The following ELAPOR1 variants were observed in gnomAD, a reference collection of about 807,000 sequenced individuals.
ELAPOR1 encodes the protein endosome/lysosome-associated apoptosis and autophagy regulator 1.
Under a neutral mutation model 119.7 loss-of-function variants are expected in ELAPOR1, and 77 were observed. The observed-to-expected ratio is 0.64, with a 90% CI of 0.54 to 0.78. The LOEUF is 0.78. ELAPOR1 is among the 30% of genes least tolerant of loss of function. The probability of loss-of-function intolerance (pLI) is 0.00; values close to 1 mark genes in which losing one functional copy is unlikely to be tolerated. For missense variants in ELAPOR1, 1,115 were observed against 1,270.4 expected, an observed-to-expected ratio of 0.88 and a Z score of 1.86; for synonymous variants, 481 against 487.2, an observed-to-expected ratio of 0.99 and a Z score of 0.17.
intron 1 of ELAPOR1, among the ~76,000 whole-genome samples, chr1:109,151,580 C>A (rs1418786843): frequency 2.0e-5 from 3 of 152,214 alleles, no homozygotes; most frequent in Admixed American, 6.5e-5. Flanking sequence ...ATCTGGGGAA[C>A]TCATGTTCCA....
At chr1:109,169,312 T>C (rs1428526346) in intron 3 of ELAPOR1, among the ~76,000 whole-genome samples, 1 of 152,198 alleles carries the variant, frequency 6.6e-6, no homozygotes, top group East Asian at 1.9e-4. Context: ...CAATCTCGGC[T>C]CACTGCAACC....
intron 7 of ELAPOR1, among the ~76,000 whole-genome samples, chr1:109,180,307 G>C (rs529393372): frequency 1.3e-5 from 2 of 152,124 alleles, no homozygotes; most frequent in African/African-American, 4.8e-5. Context: ...GTGCCACCTT[G>C]GGCAAATTAC....
At chr1:109,167,555 C>T (rs1006883490) in intron 3 of ELAPOR1, among the ~76,000 whole-genome samples, 7 of 152,222 alleles carry the variant, frequency 4.6e-5, no homozygotes, top group Admixed American at 4.6e-4. Flanking sequence ...TCATCTCCTG[C>T]TTCCATTCCC....
chr1:109,194,407 C>T lies in ELAPOR1; in HGVS notation c.1948-14C>T, dbSNP rs1327009666. The T allele has an allele frequency of 6.8e-6, 11 of 1,611,726 alleles. No individual in the cohort carries two copies. Among genetic ancestry groups the T allele is most frequent in the Non-Finnish European group, 8.5e-6 (10 of 1,178,470 alleles). On this transcript the variant is annotated splice_polypyrimidine_tract_variant and intron_variant, in intron 14 of 21. Transcript: ENST00000369939. ...TCCTGACCAGCTGGCCCGACCCGTC[C>T]CTCTCCCCCTCAGATCCACTCTCTG...
At chr1:109,165,849 T>C (rs994607451) in intron 3 of ELAPOR1, among the ~76,000 whole-genome samples, 1 of 150,824 alleles carries the variant, frequency 6.6e-6, no homozygotes, top group African/African-American at 2.4e-5. Context: ...GGTTCAAGTG[T>C]TTCTCCTCCC....
At chr1:109,168,067 T>C (rs1035449332) in intron 3 of ELAPOR1, among the ~76,000 whole-genome samples, 2 of 152,114 alleles carry the variant, frequency 1.3e-5, no homozygotes, top group Non-Finnish European at 2.9e-5. Flanking sequence ...CTCTCCCAAG[T>C]TCCTTCTGTC....
At chr1:109,172,466 T>C in intron 4 of ELAPOR1, 22 bp from the exon 5 acceptor site, 1 of 1,588,208 alleles carries the variant, frequency 6.3e-7, no homozygotes, top group Non-Finnish European at 8.6e-7. Context: ...GAGACTCTGG[T>C]CCCAAACTCT....
At chr1:109,177,625 C>T (rs1003772326) in intron 7 of ELAPOR1, among the ~76,000 whole-genome samples, 5 of 151,798 alleles carry the variant, frequency 3.3e-5, no homozygotes, top group South Asian at 2.1e-4. Flanking sequence ...GCCGAGATCA[C>T]GCCACTATGA....
chr1:109,123,785 G>T (rs915502709), intron 1 of ELAPOR1, among the ~76,000 whole-genome samples: 1 of 152,104 alleles, frequency 6.6e-6, no homozygotes, highest in African/African-American at 2.4e-5. Context: ...CTAGACCTCT[G>T]TATGTATGGA....
At chr1:109,172,610 G>T in intron 5 of ELAPOR1, 42 bp downstream of exon 5, 1 of 1,486,318 alleles carries the variant, frequency 6.7e-7, no homozygotes, top group Non-Finnish European at 9.4e-7. Context: ...CCCAGAAAAG[G>T]GACCCAGGGC....
chr1:109,204,629 C>T lies in ELAPOR1; in HGVS notation c.*1617C>T, dbSNP rs1654383781. On this transcript the variant is annotated 3_prime_UTR_variant, in exon 22 of 22. Transcript: ENST00000369939. ...CACAATGGCATGGGCCTGAGGTGGC[C>T]GTGATGTCTGCTTCTAAGCTTAACG... is the stretch of plus-strand genomic sequence containing the variant. 2 of 152,278 alleles carry T rather than the reference C, an allele frequency of 1.3e-5. No homozygotes were observed. 9.4% of individuals were successfully genotyped at this position (152,278 alleles called of 1,614,324 possible).
chr1:109,191,235 AT>A (rs1356388418), intron 11 of ELAPOR1, 130 bp from the exon 12 acceptor site: 1 of 614,650 alleles, frequency 1.6e-6, no homozygotes, highest in Admixed American at 2.9e-5. Flanking sequence ...GCAGAATTGG[AT>A]TTAGTCCACA....
intron 15 of ELAPOR1, among the ~76,000 whole-genome samples, chr1:109,196,380 C>G (rs983237529): frequency 6.6e-6 from 1 of 152,118 alleles, no homozygotes; most frequent in Non-Finnish European, 1.5e-5. Context: ...TAAAATGAAG[C>G]CTCAGAAGTA....
At chr1:109,137,134 G>A (rs1197943954) in intron 1 of ELAPOR1, among the ~76,000 whole-genome samples, 1 of 152,180 alleles carries the variant, frequency 6.6e-6, no homozygotes, top group Non-Finnish European at 1.5e-5. Context: ...TAGAGTTTCA[G>A]TTGCAAACCC....
chr1:109,135,755 G>A (rs1204915800), intron 1 of ELAPOR1, among the ~76,000 whole-genome samples: 1 of 152,104 alleles, frequency 6.6e-6, no homozygotes, highest in Non-Finnish European at 1.5e-5. Context: ...CTCTTAACTG[G>A]TTTCTTCACT....
chr1:109,188,213 T>C lies in ELAPOR1; in HGVS notation c.1078T>C (p.Cys360Arg). The change falls in exon 9 of 22, where the codon TGT (cysteine) becomes CGT (arginine). Residue 360 changes from cysteine (C) to arginine (R), a missense_variant. Coordinates refer to ENST00000369939, the MANE Select transcript of ELAPOR1 (RefSeq NM_020775.5). Reference protein sequence around the residue: ...LMYKWAKPKICSEDLEGAVKL... With the variant: ...LMYKWAKPKIRSEDLEGAVKL... ...GTACAAATGGGCCAAGCCGAAAATC[T>C]GTAGCGAGGACCTTGAGGGGGCAGT... 6.2e-7 allele frequency: 1 copy of C among 1,612,918 alleles called. No homozygotes were observed. Among genetic ancestry groups the C allele is most frequent in the Non-Finnish European group, 8.5e-7 (1 of 1,178,984 alleles).
intron 1 of ELAPOR1, among the ~76,000 whole-genome samples, chr1:109,137,523 AT>A (rs199846738): frequency 0.01 from 1,460 of 144,214 alleles, 20 homozygotes; most frequent in African/African-American, 0.036. Flanking sequence ...TTATTTATTT[AT>A]TTTATTTTAT....
At chr1:109,173,918 A>G (rs1345345751) in intron 7 of ELAPOR1, 81 bp downstream of exon 7, 6 of 1,474,926 alleles carry the variant, frequency 4.1e-6, no homozygotes, top group African/African-American at 1.4e-5. Flanking sequence ...GAATAGAGCC[A>G]TCCTTCTGGC....
intron 15 of ELAPOR1, among the ~76,000 whole-genome samples, chr1:109,196,935 C>T (rs1277932): frequency 0.51 from 77,278 of 152,068 alleles, 22,107 homozygotes; most frequent in Non-Finnish European, 0.64. Context: ...CCTGCCTCGG[C>T]CTTCCGAAGT....
Sources: allele counts gnomAD v4.1 joint callset (sites outside exome capture counted in the v4.1 genomes callset), GRCh38; gene constraint gnomAD v4.1.1; transcripts MANE v1.5; gene names NCBI Gene and HGNC (gene_info 2026-07-23, HGNC 2026-07-21).